Variants in PPP1R1C observed in about 807,000 individuals in gnomAD.
PPP1R1C encodes the protein protein phosphatase 1 regulatory subunit 1C.
In PPP1R1C, 15 loss-of-function variants were observed where a neutral mutation model predicts 17.4. The ratio of observed to expected loss-of-function variants is 0.86; its 90% confidence interval spans 0.58 to 1.33. PPP1R1C has a LOEUF of 1.33. PPP1R1C is among the 40% of genes most tolerant of loss of function. PPP1R1C has a pLI of 0.00. For synonymous variants in PPP1R1C, 35 were observed against 43.1 expected (o/e 0.81, Z 0.73); for missense variants, 143 against 130.0 (o/e 1.10, Z -0.48).
At chr2:181,989,735 T>C (rs1183624912) in intron 2 of PPP1R1C, among the ~76,000 whole-genome samples, 1 of 152,224 alleles carries the variant, frequency 6.6e-6, no homozygotes, top group African/African-American at 2.4e-5. Context: ...CTTTGTTTTT[T>C]AAGCACCACT....
chr2:182,012,185 T>C (rs551219657), intron 2 of PPP1R1C, among the ~76,000 whole-genome samples: 201 of 152,156 alleles, frequency 1.3e-3, no homozygotes, highest in African/African-American at 4.4e-3. Context: ...GTCTGGATGA[T>C]CTGTCCAATG....
chr2:181,964,659 G>A (rs549060864), intron 1 of PPP1R1C, among the ~76,000 whole-genome samples: 9 of 152,010 alleles, frequency 5.9e-5, no homozygotes, highest in Non-Finnish European at 1.2e-4. Flanking sequence ...AAAAAAAGCC[G>A]TTTTAACTTG....
At chr2:181,954,718 T>A (rs752077082) in intron 1 of PPP1R1C, 1 of 152,238 alleles carries the variant, frequency 6.6e-6, no homozygotes, top group Non-Finnish European at 1.5e-5. Flanking sequence ...CAGACTTCCA[T>A]GATCAGGAGC....
chr2:182,069,453 C>CT (rs1014442875), intron 4 of PPP1R1C, among the ~76,000 whole-genome samples: 85 of 144,268 alleles, frequency 5.9e-4, no homozygotes, highest in Non-Finnish European at 7.6e-4. Context: ...ACTAAGGTAT[C>CT]TTTTTTTTTT....
chr2:182,100,758 T>G (rs1689076480), intron 4 of PPP1R1C, among the ~76,000 whole-genome samples: 1 of 152,176 alleles, frequency 6.6e-6, no homozygotes, highest in Non-Finnish European at 1.5e-5. Flanking sequence ...CCACACCAGC[T>G]GCTGCCACCT....
intron 2 of PPP1R1C, among the ~76,000 whole-genome samples, chr2:182,057,680 A>G (rs1256610273): frequency 6.6e-6 from 1 of 152,136 alleles, no homozygotes; most frequent in Non-Finnish European, 1.5e-5. Context: ...AACTTCAACT[A>G]AACTTTGAAA....
In PPP1R1C at chr2:182,025,199, AT is replaced by A. The variant is rs536765364; in HGVS notation, c.143-36240del. ...AATTATTATTATTATTATTATTATTATTTATTTATTTATTTATTTTTATTAT... is the reference window on the plus strand; with the variant it reads ...AATTATTATTATTATTATTATTATTATTATTTATTTATTTATTTTTATTAT... On this transcript the variant is annotated intron_variant, in intron 2 of 4. Coordinates refer to ENST00000682840, the MANE Select transcript of PPP1R1C (RefSeq NM_001080545.3). Among the ~76,000 whole-genome samples, 253 of 146,316 alleles carry A rather than the reference AT, an allele frequency of 1.7e-3. 3 individuals carry two copies. Among genetic ancestry groups the A allele is most frequent in the South Asian group, 8.7e-3 (41 of 4,714 alleles).
chr2:182,053,785 T>TA lies in PPP1R1C; in HGVS notation c.143-7656dup, dbSNP rs1236206757. Among the ~76,000 whole-genome samples the TA allele has an allele frequency of 2.5e-4, 38 of 151,998 alleles. No individual in the cohort carries two copies. In the East Asian group the frequency reaches 3.1e-3, roughly 12 times the overall value. On this transcript the variant is annotated intron_variant, in intron 2 of 4. Transcript: ENST00000682840. ...TATTTATTTATTTATTTATTTTATT[T>TA]ATTTATTCTTTTGAGACAGAATTTT...
At chr2:181,982,794 A>G (rs1285233346), upstream of PPP1R1C, among the ~76,000 whole-genome samples, 3 of 152,174 alleles carry the variant, frequency 2.0e-5, no homozygotes, top group Non-Finnish European at 4.4e-5. Flanking sequence ...TAGATATTAT[A>G]GTGTAAAATC....
At chr2:182,010,271 A>AT (rs1261741003) in intron 2 of PPP1R1C, among the ~76,000 whole-genome samples, 14 of 151,866 alleles carry the variant, frequency 9.2e-5, no homozygotes, top group Non-Finnish European at 1.6e-4. Flanking sequence ...ATATTTTTGC[A>AT]TTTTTTTGTG....
At chr2:182,041,747 G>GGTCA (rs960228606) in intron 2 of PPP1R1C, among the ~76,000 whole-genome samples, 2 of 151,928 alleles carry the variant, frequency 1.3e-5, no homozygotes. Context: ...AGACCAAAGG[G>GGTCA]GTCATATAAC....
chr2:182,125,593 G>A (rs985572211), intron 5 of PPP1R1C, among the ~76,000 whole-genome samples: 3 of 151,932 alleles, frequency 2.0e-5, no homozygotes, highest in Non-Finnish European at 1.5e-5. Context: ...TGCTCTATTC[G>A]GGGATTTGAT....
chr2:182,043,316 C>T (rs1338211652), intron 2 of PPP1R1C, among the ~76,000 whole-genome samples: 1 of 152,108 alleles, frequency 6.6e-6, no homozygotes, highest in African/African-American at 2.4e-5. Context: ...CAACTTCCTG[C>T]CAAGCCTCCT....
At chr2:182,045,787 A>G (rs1219805827) in intron 2 of PPP1R1C, among the ~76,000 whole-genome samples, 1 of 152,152 alleles carries the variant, frequency 6.6e-6, no homozygotes, top group Non-Finnish European at 1.5e-5. Context: ...TCCATGCAAG[A>G]TATAAAATAG....
intron 2 of PPP1R1C, among the ~76,000 whole-genome samples, chr2:182,059,428 A>G (rs1687783680): frequency 6.6e-6 from 1 of 151,840 alleles, no homozygotes; most frequent in African/African-American, 2.4e-5. Flanking sequence ...CTTATGCTTC[A>G]TGTGGGATCC....
At chr2:182,077,049 G>A (rs1484565719) in intron 4 of PPP1R1C, among the ~76,000 whole-genome samples, 1 of 152,138 alleles carries the variant, frequency 6.6e-6, no homozygotes, top group Non-Finnish European at 1.5e-5. Flanking sequence ...GCATACAAAT[G>A]TGTCCTAGAC....
At chr2:181,991,570 T>A (rs1329191755) in intron 2 of PPP1R1C, among the ~76,000 whole-genome samples, 2 of 152,190 alleles carry the variant, frequency 1.3e-5, no homozygotes, top group Non-Finnish European at 2.9e-5. Flanking sequence ...TATTTGCTCC[T>A]AGGAATAACT....
intron 1 of PPP1R1C, among the ~76,000 whole-genome samples, chr2:181,987,549 C>A (rs1685334471): frequency 6.6e-6 from 1 of 152,176 alleles, no homozygotes. Flanking sequence ...CAACCCTGTA[C>A]CTTCATTGTA....
Position 181,987,841 on chromosome 2 carries a change from C to T in PPP1R1C, c.84C>T (p.Ile28=), listed in dbSNP as rs750103355. The change falls in exon 2 of 5, where the codon ATC becomes ATT. Residue 28 remains isoleucine (I), a splice_region_variant and synonymous_variant. Transcript: ENST00000682840. ...AGCTGGGCTTTTGTCGTTCACAGAT[C>T]AGGAAAAGAAGACCTACACCAGCAT... ...SQIAPEAAEQ[I]RKRRPTPASL... 13 of 1,612,970 alleles carry T rather than the reference C, an allele frequency of 8.1e-6. No homozygotes were observed. The highest frequency in any genetic ancestry group is 1.1e-5 in the Non-Finnish European group (13 of 1,179,412).
Sources: allele counts gnomAD v4.1 joint callset (sites outside exome capture counted in the v4.1 genomes callset), GRCh38; gene constraint gnomAD v4.1.1; transcripts MANE v1.5; gene names NCBI Gene and HGNC (gene_info 2026-07-23, HGNC 2026-07-21).